WWC2: variants seen among roughly 807,000 people sequenced by gnomAD.
WWC2 encodes the protein WW and C2 domain containing 2.
In WWC2, 101 loss-of-function variants were observed where a neutral mutation model predicts 138.5. The ratio of observed to expected loss-of-function variants is 0.73; its 90% CI spans 0.62 to 0.86. WWC2 has a LOEUF of 0.86. Among genes scored for constraint, WWC2 ranks in the 40% least tolerant of loss-of-function variants. WWC2 has a pLI of 0.00. For synonymous variants in WWC2, 558 were observed against 538.4 expected (o/e 1.04, Z -0.50); for missense variants, 1,420 against 1,419.4 (o/e 1.00, Z -0.01).
At chr4:183,137,428 C>T (rs1198418217) in intron 1 of WWC2, among the ~76,000 whole-genome samples, 1 of 151,788 alleles carries the variant, frequency 6.6e-6, no homozygotes, top group East Asian at 1.9e-4. Flanking sequence ...AACAAACACA[C>T]ACATTAGCCT....
In WWC2 at chr4:183,296,933, CAAAAAAAAAAAAAAAAAAAAA is replaced by C. The variant is rs776211338; in HGVS notation, c.3384+7314_3384+7334del. On this transcript the variant is annotated intron_variant, in intron 21 of 22. Coordinates refer to ENST00000403733, the MANE Select transcript of WWC2 (RefSeq NM_024949.6). ...TGGGCAACAGAGCGAGACTCCGTCT[CAAAAAAAAAAAAAAAAAAAAA>C]AAAAAAAAAAAAAAATTATTTCTTA... Among the ~76,000 whole-genome samples the C allele has an allele frequency of 2.3e-4, 16 of 70,756 alleles. 1 individual carries two copies. Among genetic ancestry groups the C allele is most frequent in the Non-Finnish European group, 3.2e-4 (13 of 40,316 alleles). 46.4% of individuals were successfully genotyped at this position (70,756 alleles called of 152,430 possible).
chr4:183,262,781 TGC>T (rs1737371761), intron 11 of WWC2, among the ~76,000 whole-genome samples: 1 of 151,984 alleles, frequency 6.6e-6, no homozygotes. Context: ...TGTGTGTGCG[TGC>T]GTGCGTGCGT....
chr4:183,179,843 A>G (rs1378854490), intron 1 of WWC2, among the ~76,000 whole-genome samples: 1 of 152,198 alleles, frequency 6.6e-6, no homozygotes, highest in African/African-American at 2.4e-5. Context: ...TCTAACAAAC[A>G]TTGAGCACTG....
At chr4:183,206,607 C>A (rs1368489016) in intron 2 of WWC2, among the ~76,000 whole-genome samples, 1 of 152,120 alleles carries the variant, frequency 6.6e-6, no homozygotes, top group Non-Finnish European at 1.5e-5. Flanking sequence ...AGAAATAGAA[C>A]ATCAGCATCC....
At chr4:183,200,133 G>A (rs1735258479) in intron 2 of WWC2, among the ~76,000 whole-genome samples, 3 of 152,190 alleles carry the variant, frequency 2.0e-5, no homozygotes, top group African/African-American at 4.8e-5. Context: ...AATATGCGGT[G>A]TTTAAACCAG....
rs750925890 is a variant in WWC2 at position 183,319,048 on chromosome 4, C to T, written c.*3319C>T. On this transcript the variant is annotated 3_prime_UTR_variant, in exon 23 of 23. Coordinates refer to ENST00000403733, the MANE Select transcript of WWC2 (RefSeq NM_024949.6). ...TTTTGAAAAAGGTTCCATAGAGACA[C>T]TGAGGTCTCTGATTCAGAAGGAGAT... 1.4e-4 allele frequency: 22 copies of T among 153,552 alleles called. No homozygotes were observed. Among genetic ancestry groups the T allele is most frequent in the Non-Finnish European group, 2.8e-4 (19 of 68,994 alleles). The allele number at this position is 153,552 out of a possible 1,614,324, so 9.5% of individuals were successfully genotyped here. A position where few individuals can be genotyped will look rare whatever the true frequency, so the allele number is the denominator to read the frequency against.
chr4:183,118,640 C>G (rs557624715), intron 1 of WWC2, among the ~76,000 whole-genome samples: 82 of 152,266 alleles, frequency 5.4e-4, no homozygotes, highest in African/African-American at 1.9e-3. Context: ...CATCATTTAG[C>G]ATTGTGAGTG....
chr4:183,220,236 T>A (rs1340451380), intron 4 of WWC2, among the ~76,000 whole-genome samples: 2 of 152,144 alleles, frequency 1.3e-5, no homozygotes, highest in Non-Finnish European at 2.9e-5. Context: ...GCTAACACCC[T>A]GATTTCAGCT....
intron 4 of WWC2, among the ~76,000 whole-genome samples, chr4:183,222,890 TG>T (rs1271530994): frequency 6.6e-6 from 1 of 152,120 alleles, no homozygotes; most frequent in African/African-American, 2.4e-5. Context: ...CACTTGAACC[TG>T]GGAGGCAGAG....
At chr4:183,311,063 C>G (rs574278373) in intron 21 of WWC2, among the ~76,000 whole-genome samples, 79 of 152,172 alleles carry the variant, frequency 5.2e-4, no homozygotes, top group African/African-American at 1.8e-3. Context: ...GGAATTTGAC[C>G]CCAGGTTGTA....
chr4:183,258,395 C>T (rs1737217925), intron 9 of WWC2, among the ~76,000 whole-genome samples: 1 of 152,044 alleles, frequency 6.6e-6, no homozygotes, highest in African/African-American at 2.4e-5. Flanking sequence ...TTTAGTTTAA[C>T]ATATAATGGA....
At chr4:183,105,143 A>G (rs778053982) in intron 1 of WWC2, among the ~76,000 whole-genome samples, 16 of 152,276 alleles carry the variant, frequency 1.1e-4, no homozygotes, top group Non-Finnish European at 2.1e-4. Context: ...TCCTGACCTC[A>G]AGTTACCTGC....
At chr4:183,154,451 C>T (rs1349560256) in intron 1 of WWC2, among the ~76,000 whole-genome samples, 2 of 152,138 alleles carry the variant, frequency 1.3e-5, no homozygotes, top group Non-Finnish European at 2.9e-5. Context: ...GGGAATATCT[C>T]GTGATGACCC....
At chr4:183,220,635 C>A (rs1420541050) in intron 4 of WWC2, among the ~76,000 whole-genome samples, 2 of 151,532 alleles carry the variant, frequency 1.3e-5, no homozygotes, top group East Asian at 1.9e-4. Flanking sequence ...GAGATTGAGA[C>A]CATCCTGGCT....
chr4:183,239,367 T>A (rs1234263871), intron 4 of WWC2, among the ~76,000 whole-genome samples: 1 of 152,106 alleles, frequency 6.6e-6, no homozygotes, highest in East Asian at 1.9e-4. Flanking sequence ...ACTTAATATA[T>A]GGAAGTAAGT....
rs5741942 is a variant in WWC2 at position 183,159,713 on chromosome 4, CT to C, written c.132-33870del. ...AGCCACTGTACCTGCCTGAACTTAC[CT>C]TTTTTTTTTTTTTTTAAAAAAAAAA... On this transcript the variant is annotated intron_variant, in intron 1 of 22. Coordinates refer to ENST00000403733, the MANE Select transcript of WWC2 (RefSeq NM_024949.6). 3.6e-3 allele frequency among the ~76,000 whole-genome samples: 517 copies of C among 142,086 alleles called. 3 individuals carry two copies. The highest frequency in any genetic ancestry group is 4.4e-3 in the African/African-American group (171 of 38,536). 93.2% of individuals were successfully genotyped at this position (142,086 alleles called of 152,430 possible).
chr4:183,186,550 G>A (rs1045256763), intron 1 of WWC2, among the ~76,000 whole-genome samples: 4 of 152,016 alleles, frequency 2.6e-5, no homozygotes. Flanking sequence ...TAGGGTAGGG[G>A]GCATTGAATA....
intron 8 of WWC2, 84 bp from the exon 9 acceptor site, chr4:183,253,673 C>A (rs1373218482): frequency 1.1e-5 from 17 of 1,515,778 alleles, no homozygotes. Flanking sequence ...GACAGCATGT[C>A]AACACCAAAT....
rs923475014 is a variant in WWC2 at position 183,154,015 on chromosome 4, A to C, written c.132-39584A>C. On this transcript the variant is annotated intron_variant, in intron 1 of 22. Transcript: ENST00000403733. ...GGCTTTAAAAAGCAAAAAAAAAAAAAAAAAAAAAAAAAACCCCAAATCTAA... is the reference window on the plus strand; with the variant it reads ...GGCTTTAAAAAGCAAAAAAAAAAAACAAAAAAAAAAAAACCCCAAATCTAA... Among the ~76,000 whole-genome samples, 83 of 151,350 alleles carry C rather than the reference A, an allele frequency of 5.5e-4. 1 individual carries two copies. Among genetic ancestry groups the C allele is most frequent in the Non-Finnish European group, 1.0e-3 (68 of 67,716 alleles).
Sources: gnomAD v4.1 joint callset for allele counts (sites outside exome capture counted in the v4.1 genomes callset) on GRCh38, gnomAD v4.1.1 for gene constraint, MANE v1.5 for transcripts, NCBI Gene and HGNC (gene_info 2026-07-23, HGNC 2026-07-21) for gene names.